Variants in CACNA1F observed in about 807,000 individuals in gnomAD.
CACNA1F encodes the protein calcium voltage-gated channel subunit alpha1 F, also known as voltage-dependent L-type calcium channel subunit alpha-1F.
In CACNA1F, 59 loss-of-function variants were observed where a neutral mutation model predicts 143.8. The observed-to-expected ratio is 0.41, with a 90% CI of 0.33 to 0.51. The LOEUF (loss-of-function observed/expected upper bound fraction) is 0.51, where lower values mean the gene tolerates loss of function less well. Ranked by LOEUF, CACNA1F falls within the 20% of genes least tolerant of loss-of-function variation. The pLI, the probability that CACNA1F is intolerant of heterozygous loss-of-function variation, is 0.22. For missense variants in CACNA1F, 1,411 were observed against 1,647.5 expected (o/e 0.86, Z 2.48); for synonymous variants, 643 against 649.1 (o/e 0.99, Z 0.14).
chrX:49,230,658 C>A (rs1385876769), intron 4 of CACNA1F, 49 bp from the exon 5 acceptor site: 2 of 1,125,315 alleles, frequency 1.8e-6, no homozygotes, highest in African/African-American at 1.8e-5. Context: ...CCTTGGGATT[C>A]CCCCCTCCAC....
In CACNA1F at chrX:49,214,231, G is replaced by A; in HGVS notation, c.3636C>T (p.Asp1212=). The part of the protein sequence containing the change: ...EQTAPFNYAM[D]ILNMVFTGLF... ...GGCCAGTGAAGACCATGTTGAGGAT[G>A]TCCATGGCATAGTTGAAGGGAGCAG... The change falls in exon 30 of 48, where the codon GAC becomes GAT. Residue 1212 remains aspartate (D), a synonymous_variant. Transcript: ENST00000323022. The A allele has an allele frequency of 8.3e-7, 1 of 1,199,350 alleles. No homozygotes were observed. Among genetic ancestry groups the A allele is most frequent in the Non-Finnish European group, 1.1e-6 (1 of 883,840 alleles).
rs1036664708 is a variant in CACNA1F at position 49,211,582 on chromosome X, C to T, written c.4101-101G>A. 2.7e-4 allele frequency: 184 copies of T among 693,915 alleles called. 4 individuals carry two copies. The highest frequency in any genetic ancestry group is 2.6e-3 in the African/African-American group (123 of 47,090). 57.2% of individuals were successfully genotyped at this position (693,915 alleles called of 1,213,427 possible). A position where few individuals can be genotyped will look rare whatever the true frequency, so the allele number is the denominator to read the frequency against. On this transcript the variant is annotated intron_variant, in intron 35 of 47. Transcript: ENST00000323022. Reference sequence around the variant, plus strand: ...TGGGGAATGAGGAGATGACCTACTTCTCACCAGGGGCTACATCTGGCACAG... The same window carrying T: ...TGGGGAATGAGGAGATGACCTACTTTTCACCAGGGGCTACATCTGGCACAG...
intron 39 of CACNA1F, 117 bp from the exon 40 acceptor site, chrX:49,210,159 T>C (rs1404003935): frequency 2.5e-5 from 17 of 670,471 alleles, no homozygotes; most frequent in Non-Finnish European, 3.7e-5. Flanking sequence ...ACCGCCCCCA[T>C]TGGACGGGGT....
Position 49,211,563 on chromosome X carries a change from A to G in CACNA1F, c.4101-82T>C. 6 of 829,581 alleles carry G rather than the reference A, an allele frequency of 7.2e-6. No individual in the cohort carries two copies. The South Asian group carries it at 1.0e-4, about 14-fold the overall frequency. The allele number at this position is 829,581 out of a possible 1,213,427, so 68.4% of individuals were successfully genotyped here. A position where few individuals can be genotyped will look rare whatever the true frequency, so the allele number is the denominator to read the frequency against. On this transcript the variant is annotated intron_variant, in intron 35 of 47. Coordinates refer to ENST00000323022, the MANE Select transcript of CACNA1F (RefSeq NM_001256789.3). ...AATGGAGTTGGGGGAGGACTGGGGA[A>G]TGAGGAGATGACCTACTTCTCACCA...
At chrX:49,230,007 T>A (rs2065861766) in intron 6 of CACNA1F, among the ~76,000 whole-genome samples, 2 of 111,460 alleles carry the variant, frequency 1.8e-5, no homozygotes, top group African/African-American at 6.5e-5. Context: ...GTGGGTACAG[T>A]CTCGTGATGG....
In CACNA1F at chrX:49,212,000, A is replaced by G. The variant is rs2065661917; in HGVS notation, c.4009-11T>C. On this transcript the variant is annotated splice_polypyrimidine_tract_variant and intron_variant, in intron 34 of 47. Transcript: ENST00000323022. Reference sequence around the variant, plus strand: ...CACCTTGCCGAACATCTGTGGACACATCAAGGCTGTGTCAGTGGGGTGAAC... The same window carrying G: ...CACCTTGCCGAACATCTGTGGACACGTCAAGGCTGTGTCAGTGGGGTGAAC... 8.4e-7 allele frequency: 1 copy of G among 1,192,888 alleles called. No homozygotes were observed. Among genetic ancestry groups the G allele is most frequent in the Non-Finnish European group, 1.1e-6 (1 of 878,680 alleles).
chrX:49,233,085 G>C (rs1557111652), intron 1 of CACNA1F, among the ~76,000 whole-genome samples, 200 bp downstream of exon 1: 1 of 109,515 alleles, frequency 9.1e-6, no homozygotes, highest in Non-Finnish European at 1.9e-5. Context: ...AGAGGCCATG[G>C]GGGGTGGTGT....
rs2065620741 is a variant in CACNA1F at position 49,208,424 on chromosome X, C to T, written c.5123+91G>A. 1.1e-5 allele frequency: 5 copies of T among 472,965 alleles called. No homozygotes were observed. In the East Asian group the frequency reaches 2.3e-4, roughly 21 times the overall value. 39.0% of individuals were successfully genotyped at this position (472,965 alleles called of 1,213,427 possible). ...GAAGGCCTCTAGGCCCTCCCTCCCA[C>T]CCCCCTCAACTTCCTGCCTCCTGAA... is the stretch of plus-strand genomic sequence containing the variant. On this transcript the variant is annotated intron_variant, in intron 43 of 47. Transcript: ENST00000323022.
intron 22 of CACNA1F, 36 bp from the exon 23 acceptor site, chrX:49,218,771 G>A (rs1557108114): frequency 1.2e-6 from 1 of 855,065 alleles, no homozygotes; most frequent in South Asian, 2.2e-5. Flanking sequence ...TCAGACCTGG[G>A]GATGGTGGGG....
Position 49,222,524 on chromosome X carries a change from G to C in CACNA1F, c.2286C>G (p.Gly762=). 2.5e-6 allele frequency: 3 copies of C among 1,206,352 alleles called. No homozygotes were observed. In the Admixed American group the frequency reaches 6.5e-5, roughly 26 times the overall value. Residue 762 remains glycine, a splice_region_variant and synonymous_variant, in exon 17 of 48, where the codon GGC becomes GGG. Coordinates refer to ENST00000323022, the MANE Select transcript of CACNA1F (RefSeq NM_001256789.3). ...TTAGGGGTGGAGCCAGATCTCACCC[G>C]CCCTTGTCCTTGGCAGTGCCTGCAT... is the stretch of plus-strand genomic sequence containing the variant. ...SGDAGTAKDK[G]GEKSNEKDLP... is the part of the protein sequence containing the mutation.
At position 49,230,375 on chromosome X, in the gene CACNA1F, G is replaced by A; in HGVS notation, c.665-3C>T. On this transcript the variant is annotated splice_region_variant and splice_polypyrimidine_tract_variant and intron_variant, in intron 5 of 47. Transcript: ENST00000323022. ...GGAATTGAGCACTATGTGCAGGCCT[G>A]CGGGGAGGGAGGGGGAGGCAGAAAT... 1 of 1,210,366 alleles carries A rather than the reference G, an allele frequency of 8.3e-7. No individual in the cohort carries two copies. Among genetic ancestry groups the A allele is most frequent in the South Asian group, 1.8e-5 (1 of 56,639 alleles).
At chrX:49,207,358 A>G (rs1602622631) in intron 43 of CACNA1F, among the ~76,000 whole-genome samples, 1 of 112,128 alleles carries the variant, frequency 8.9e-6, no homozygotes, top group East Asian at 2.8e-4. Context: ...GTAGAGAGAC[A>G]CCTTGAACAC....
rs2065818308 is a variant in CACNA1F, at chrX:49,225,942, G to A, written c.1618C>T (p.His540Tyr). 1 of 1,169,114 alleles carries A rather than the reference G, an allele frequency of 8.6e-7. No homozygotes were observed. The highest frequency in any genetic ancestry group is 1.1e-6 in the Non-Finnish European group (1 of 873,526). ...TGGGTGAGCCACACAGGCTGCCCGT[G>A]GTGCTCAGAGGCGATGGTCAACGTG... ...LNTLTIASEH[H>Y]GQPVWLTQIQ... The change falls in exon 13 of 48, where the codon CAC becomes TAC. Residue 540 changes from histidine to tyrosine, a missense_variant. Physicochemically the swap from His to Tyr is moderately conservative, Grantham distance 83. Around this residue, in one of 3 missense-constraint regions of CACNA1F, gnomAD observed 950 missense variants for 1,128.1 expected, o/e 0.84. Coordinates refer to ENST00000323022, the MANE Select transcript of CACNA1F (RefSeq NM_001256789.3).
chrX:49,221,683 A>G (rs1156828475), intron 17 of CACNA1F, among the ~76,000 whole-genome samples: 1 of 105,990 alleles, frequency 9.4e-6, no homozygotes, highest in Admixed American at 9.9e-5. Flanking sequence ...TATTTTTTGA[A>G]AGTGCTAAGA....
Position 49,228,529 on chromosome X carries a change from G to A in CACNA1F, c.818-82C>T, listed in dbSNP as rs187048708. 28 of 749,467 alleles carry A rather than the reference G, an allele frequency of 3.7e-5. No homozygotes were observed. The East Asian group carries it at 8.3e-4, about 22-fold the overall frequency. The allele number at this position is 749,467 out of a possible 1,213,427, so 61.8% of individuals were successfully genotyped here. On this transcript the variant is annotated intron_variant, in intron 6 of 47. Transcript: ENST00000323022. ...CCCTGAAGCCCCGCCCACTTAGGAA[G>A]CTCGACTTGGGTCCTAGATTTTTCT...
chrX:49,207,246 C>T (rs2065607554), intron 43 of CACNA1F, 134 bp from the exon 44 acceptor site: 3 of 477,758 alleles, frequency 6.3e-6, no homozygotes, highest in Non-Finnish European at 7.4e-6. Context: ...GGACAAGTCA[C>T]ATAAAATTAA....
At position 49,208,500 on chromosome X, in the gene CACNA1F, G is replaced by T; in HGVS notation, c.5123+15C>A. Reference sequence around the variant, plus strand: ...TGCCTTCCCTCACAATCTACTTCCAGACACTTGATAATACCTGTGGGTGTT... The same window carrying T: ...TGCCTTCCCTCACAATCTACTTCCATACACTTGATAATACCTGTGGGTGTT... On this transcript the variant is annotated intron_variant, in intron 43 of 47. Transcript: ENST00000323022. The T allele has an allele frequency of 9.1e-7, 1 of 1,092,944 alleles. No individual in the cohort carries two copies. Among genetic ancestry groups the T allele is most frequent in the Non-Finnish European group, 1.2e-6 (1 of 823,451 alleles). The allele number at this position is 1,092,944 out of a possible 1,213,427, so 90.1% of individuals were successfully genotyped here. A position where few individuals can be genotyped will look rare whatever the true frequency, so the allele number is the denominator to read the frequency against.
intron 34 of CACNA1F, 47 bp from the exon 35 acceptor site, chrX:49,212,036 C>T: frequency 9.8e-7 from 1 of 1,022,683 alleles, no homozygotes; most frequent in Non-Finnish European, 1.4e-6. Context: ...CCATGCCCCA[C>T]CCATTTCACA....
rs1359960893 is a variant in CACNA1F, at chrX:49,208,442, C to T, written c.5123+73G>A. The T allele has an allele frequency of 5.2e-6, 4 of 770,702 alleles. No individual in the cohort carries two copies. The African/African-American group carries it at 8.9e-5, about 17-fold the overall frequency. The allele number at this position is 770,702 out of a possible 1,213,427, so 63.5% of individuals were successfully genotyped here. A position where few individuals can be genotyped will look rare whatever the true frequency, so the allele number is the denominator to read the frequency against. ...CCTCCCACCCCCCTCAACTTCCTGC[C>T]TCCTGAATTGCCTCTATCCAGTGTC... On this transcript the variant is annotated intron_variant, in intron 43 of 47. Transcript: ENST00000323022.
Sources: allele counts gnomAD v4.1 joint callset (sites outside exome capture counted in the v4.1 genomes callset), GRCh38; gene constraint gnomAD v4.1.1; regional missense constraint gnomAD v4.1.1; transcripts MANE v1.5; gene names NCBI Gene and HGNC (gene_info 2026-07-23, HGNC 2026-07-21).